The following SPRED1 variants were observed in gnomAD, a reference collection of about 807,000 sequenced individuals.
The protein encoded by SPRED1 is sprouty related EVH1 domain containing 1, also known as sprouty-related, EVH1 domain-containing protein 1.
A neutral mutation model predicts 52.3 loss-of-function variants in SPRED1; 18 were observed. The observed-to-expected ratio is 0.34, with a 90% CI of 0.24 to 0.51. The LOEUF is 0.51. Ranked by LOEUF, SPRED1 falls within the 20% of genes least tolerant of loss-of-function variation. The pLI is 0.97. For synonymous variants in SPRED1, 155 were observed against 179.7 expected (o/e 0.86, Z 1.10); for missense variants, 485 against 551.0 (o/e 0.88, Z 1.20).
chr15:38,343,507 T>C (rs1048891956), intron 5 of SPRED1, among the ~76,000 whole-genome samples: 2 of 152,120 alleles, frequency 1.3e-5, no homozygotes, highest in Non-Finnish European at 2.9e-5. Flanking sequence ...AGATTTGCTA[T>C]TGAGACAGAA....
chr15:38,334,818 T>C (rs1895876904), intron 4 of SPRED1, among the ~76,000 whole-genome samples: 1 of 152,026 alleles, frequency 6.6e-6, no homozygotes, highest in Non-Finnish European at 1.5e-5. Context: ...CTACTGTGAT[T>C]GTGTATGTGT....
At chr15:38,330,649 A>G (rs542686966) in intron 4 of SPRED1, among the ~76,000 whole-genome samples, 1 of 152,140 alleles carries the variant, frequency 6.6e-6, no homozygotes, top group Non-Finnish European at 1.5e-5. Flanking sequence ...ATGTAATGCC[A>G]AGATATAAGG....
chr15:38,269,763 A>G (rs954028399), intron 1 of SPRED1, among the ~76,000 whole-genome samples: 2 of 152,130 alleles, frequency 1.3e-5, no homozygotes, highest in African/African-American at 4.8e-5. Context: ...TATGGTAGCT[A>G]CTATATAGTT....
At chr15:38,278,958 G>A (rs1894626732) in intron 1 of SPRED1, among the ~76,000 whole-genome samples, 1 of 151,246 alleles carries the variant, frequency 6.6e-6, no homozygotes, top group African/African-American at 2.4e-5. Flanking sequence ...CTCCTGAGTA[G>A]CTGGGATTAC....
At chr15:38,347,363 T>G (rs894023003) in intron 5 of SPRED1, among the ~76,000 whole-genome samples, 24 of 152,074 alleles carry the variant, frequency 1.6e-4, no homozygotes, top group African/African-American at 5.8e-4. Context: ...CTAATCTAAA[T>G]TAGTGTCACA....
intron 5 of SPRED1, among the ~76,000 whole-genome samples, chr15:38,342,644 C>A (rs1896052626): frequency 6.6e-6 from 1 of 151,890 alleles, no homozygotes; most frequent in African/African-American, 2.4e-5. Context: ...AATTTATTTT[C>A]TTTCATCAAT....
At chr15:38,339,104 T>A (rs1236695561) in intron 4 of SPRED1, among the ~76,000 whole-genome samples, 1 of 152,054 alleles carries the variant, frequency 6.6e-6, no homozygotes, top group Non-Finnish European at 1.5e-5. Flanking sequence ...TTTTGTAGTG[T>A]GCTAAATTTT....
intron 4 of SPRED1, among the ~76,000 whole-genome samples, chr15:38,330,247 G>C (rs1211105472): frequency 6.6e-6 from 1 of 152,110 alleles, no homozygotes; most frequent in Non-Finnish European, 1.5e-5. Flanking sequence ...ACTATTGCCA[G>C]ACATTGTGTC....
At chr15:38,282,944 A>C (rs1016565918) in intron 1 of SPRED1, among the ~76,000 whole-genome samples, 1 of 152,024 alleles carries the variant, frequency 6.6e-6, no homozygotes, top group Non-Finnish European at 1.5e-5. Flanking sequence ...ATAGTTAAAA[A>C]GCTTCTTGTA....
chr15:38,344,666 T>C (rs1377925191), intron 5 of SPRED1, among the ~76,000 whole-genome samples: 1 of 152,196 alleles, frequency 6.6e-6, no homozygotes, highest in Admixed American at 6.6e-5. Context: ...TGTAGCTTAG[T>C]ATCCTCATCT....
At chr15:38,289,602 A>ACTT (rs1367611895) in intron 1 of SPRED1, among the ~76,000 whole-genome samples, 1 of 152,168 alleles carries the variant, frequency 6.6e-6, no homozygotes, top group East Asian at 1.9e-4. Flanking sequence ...TCACATGAGC[A>ACTT]CTTCAGTGGA....
At chr15:38,339,046 C>T (rs992084709) in intron 4 of SPRED1, among the ~76,000 whole-genome samples, 8 of 151,928 alleles carry the variant, frequency 5.3e-5, no homozygotes, top group African/African-American at 1.7e-4. Context: ...AGTAACATCC[C>T]GTTTCTTTAA....
intron 5 of SPRED1, among the ~76,000 whole-genome samples, chr15:38,348,351 C>T (rs1220574220): frequency 6.6e-6 from 1 of 151,722 alleles, no homozygotes; most frequent in Non-Finnish European, 1.5e-5. Context: ...CATAGAATGG[C>T]CTCCATATTG....
intron 6 of SPRED1, among the ~76,000 whole-genome samples, chr15:38,350,395 T>G (rs1205543814): frequency 6.6e-6 from 1 of 152,170 alleles, no homozygotes; most frequent in Admixed American, 6.5e-5. Context: ...AGGGCCACAT[T>G]TTAACTTAGT....
intron 2 of SPRED1, among the ~76,000 whole-genome samples, chr15:38,306,905 T>C (rs763614849): frequency 6.6e-6 from 1 of 152,210 alleles, no homozygotes; most frequent in Non-Finnish European, 1.5e-5. Context: ...ACTAACATCA[T>C]TCCTTTCTGT....
chr15:38,285,818 A>T (rs149724123), intron 1 of SPRED1, among the ~76,000 whole-genome samples: 1 of 152,222 alleles, frequency 6.6e-6, no homozygotes, highest in South Asian at 2.1e-4. Flanking sequence ...AGAATAGCCC[A>T]TCGGTATTTT....
intron 1 of SPRED1, chr15:38,298,618 C>A: frequency 8.1e-6 from 2 of 247,490 alleles, no homozygotes; most frequent in Admixed American, 5.5e-5. Flanking sequence ...AGGCCCCAAA[C>A]AGGCAAAATC....
At chr15:38,340,123 G>A (rs1264025458) in intron 5 of SPRED1, among the ~76,000 whole-genome samples, 1 of 152,124 alleles carries the variant, frequency 6.6e-6, no homozygotes, top group African/African-American at 2.4e-5. Flanking sequence ...GATTGAGCAA[G>A]GGGACATCAC....
intron 2 of SPRED1, among the ~76,000 whole-genome samples, chr15:38,319,359 A>G (rs1351376134): frequency 1.3e-5 from 2 of 152,170 alleles, no homozygotes; most frequent in Non-Finnish European, 1.5e-5. Context: ...TGCCGACTCA[A>G]AAAAGCTCTG....
Sources: allele counts gnomAD v4.1 joint callset (sites outside exome capture counted in the v4.1 genomes callset), GRCh38; gene constraint gnomAD v4.1.1; transcripts MANE v1.5; gene names NCBI Gene and HGNC (gene_info 2026-07-23, HGNC 2026-07-21).